Variants in FAM107B observed in about 807,000 individuals in gnomAD.
FAM107B encodes protein FAM107B.
A neutral mutation model predicts 31.5 loss-of-function variants in FAM107B; 21 were observed. That is an observed-to-expected ratio of 0.67 (90% CI 0.47 to 0.96). The LOEUF (loss-of-function observed/expected upper bound fraction) is 0.96. FAM107B is among the 40% of genes least tolerant of loss of function. The pLI is 0.00. For missense variants in FAM107B, 452 were observed against 377.1 expected, an observed-to-expected ratio of 1.20 and a Z score of -1.64; for synonymous variants, 157 against 141.5, an observed-to-expected ratio of 1.11 and a Z score of -0.78.
intron 1 of FAM107B, among the ~76,000 whole-genome samples, chr10:14,733,765 G>A (rs1429714010): frequency 1.3e-5 from 2 of 152,206 alleles, no homozygotes; most frequent in East Asian, 1.9e-4. Context: ...GAAACAGTGA[G>A]TAAATAGCCA....
At chr10:14,676,707 A>T (rs1854691093) in intron 1 of FAM107B, among the ~76,000 whole-genome samples, 2 of 152,202 alleles carry the variant, frequency 1.3e-5, no homozygotes, top group African/African-American at 2.4e-5. Flanking sequence ...TGTCAGAGAA[A>T]CTGCACTGTA....
chr10:14,570,065 G>C (rs907449127), intron 2 of FAM107B, among the ~76,000 whole-genome samples: 3 of 152,130 alleles, frequency 2.0e-5, no homozygotes, highest in African/African-American at 7.2e-5. Flanking sequence ...CAAATATTAA[G>C]CCAATATTAC....
chr10:14,589,880 T>C (rs1851960968), intron 2 of FAM107B, among the ~76,000 whole-genome samples: 1 of 152,162 alleles, frequency 6.6e-6, no homozygotes, highest in Admixed American at 6.5e-5. Flanking sequence ...ATCTCAGTCC[T>C]GGGTGATCCT....
At chr10:14,707,101 G>T (rs4748107) in intron 1 of FAM107B, among the ~76,000 whole-genome samples, 35,924 of 151,792 alleles carry the variant, frequency 0.24, 4,482 homozygotes, top group Admixed American at 0.3. Flanking sequence ...ACTCCAGCCT[G>T]GGCGACAGAG....
chr10:14,597,574 G>T (rs1338172076), intron 2 of FAM107B, among the ~76,000 whole-genome samples: 1 of 152,200 alleles, frequency 6.6e-6, no homozygotes, highest in Non-Finnish European at 1.5e-5. Flanking sequence ...TGAGGAGCAG[G>T]TGGGGACAAG....
chr10:14,695,331 G>A (rs1855240080), intron 1 of FAM107B, among the ~76,000 whole-genome samples: 1 of 151,992 alleles, frequency 6.6e-6, no homozygotes, highest in South Asian at 2.1e-4. Context: ...TTATATCTGG[G>A]CTCTCTATTC....
intron 2 of FAM107B, among the ~76,000 whole-genome samples, chr10:14,535,329 G>A (rs775611567): frequency 6.6e-6 from 1 of 152,180 alleles, no homozygotes; most frequent in Non-Finnish European, 1.5e-5. Flanking sequence ...TGAGTAAAAT[G>A]TATATGCAAA....
At chr10:14,680,697 T>A (rs1854812360) in intron 1 of FAM107B, among the ~76,000 whole-genome samples, 1 of 152,082 alleles carries the variant, frequency 6.6e-6, no homozygotes, top group Non-Finnish European at 1.5e-5. Context: ...TCCCACTAAC[T>A]TCCTCTGGCT....
intron 1 of FAM107B, among the ~76,000 whole-genome samples, chr10:14,772,059 AT>A (rs1413417317): frequency 2.6e-5 from 4 of 152,144 alleles, no homozygotes; most frequent in Admixed American, 2.6e-4. Context: ...CATGGGCACC[AT>A]AAGAATATGC....
chr10:14,686,138 C>T (rs1854980474), intron 1 of FAM107B, among the ~76,000 whole-genome samples: 2 of 152,124 alleles, frequency 1.3e-5, no homozygotes, highest in African/African-American at 4.8e-5. Context: ...CCTGTAGTCC[C>T]AGCACTTTGG....
chr10:14,581,443 T>A (rs985398687), intron 2 of FAM107B, among the ~76,000 whole-genome samples: 7 of 152,160 alleles, frequency 4.6e-5, no homozygotes, highest in African/African-American at 1.7e-4. Context: ...GATTCAAGTG[T>A]CAGAGTTCCA....
At chr10:14,537,833 C>CA (rs34298402) in intron 2 of FAM107B, among the ~76,000 whole-genome samples, 21,300 of 85,316 alleles carry the variant, frequency 0.25, 2,217 homozygotes, top group Middle Eastern at 0.34. Context: ...GACTCTGTCT[C>CA]AAAAAAAAAA....
Position 14,767,401 on chromosome 10 carries a change from C to T in FAM107B, c.411+6852G>A, listed in dbSNP as rs544087767. 2.0e-5 allele frequency among the ~76,000 whole-genome samples: 3 copies of T among 151,762 alleles called. No homozygotes were observed. The East Asian group carries it at 5.9e-4, about 30-fold the overall frequency. On this transcript the variant is annotated intron_variant, in intron 1 of 4. Coordinates refer to ENST00000181796, the MANE Select transcript of FAM107B (RefSeq NM_031453.4). ...GCCACCGCACCCGGCCCCTGATGAG[C>T]ATTAATAGAAAGATCCTCAACAAAA...
intron 1 of FAM107B, among the ~76,000 whole-genome samples, chr10:14,706,876 C>T (rs1323256651): frequency 6.6e-6 from 1 of 152,138 alleles, no homozygotes; most frequent in Non-Finnish European, 1.5e-5. Context: ...CCTGGAATCC[C>T]AGCACTTTGG....
At chr10:14,666,217 G>C (rs1467119895) in intron 2 of FAM107B, among the ~76,000 whole-genome samples, 2 of 152,188 alleles carry the variant, frequency 1.3e-5, no homozygotes, top group Non-Finnish European at 2.9e-5. Flanking sequence ...AGAACTGCAA[G>C]AGACTGGGTA....
At chr10:14,622,356 G>A (rs1265393875) in intron 2 of FAM107B, among the ~76,000 whole-genome samples, 1 of 149,156 alleles carries the variant, frequency 6.7e-6, no homozygotes, top group African/African-American at 2.5e-5. Flanking sequence ...TGCCCAGGCT[G>A]GGGTGCAGTG....
intron 1 of FAM107B, chr10:14,723,583 T>C: frequency 1.5e-6 from 1 of 669,930 alleles, no homozygotes; most frequent in Admixed American, 2.0e-5. Context: ...AAAGGCTATG[T>C]CCACATAGAA....
chr10:14,659,384 T>C (rs1854162691), intron 2 of FAM107B, among the ~76,000 whole-genome samples: 1 of 152,104 alleles, frequency 6.6e-6, no homozygotes, highest in Non-Finnish European at 1.5e-5. Context: ...GAGGTTGCAG[T>C]GAGCTGAGAT....
At chr10:14,629,040 C>A (rs1853249127) in intron 2 of FAM107B, among the ~76,000 whole-genome samples, 3 of 150,114 alleles carry the variant, frequency 2.0e-5, no homozygotes, top group Non-Finnish European at 4.4e-5. Context: ...TATTACAAGT[C>A]TCAGGAAAGT....
Sources: allele counts gnomAD v4.1 joint callset (sites outside exome capture counted in the v4.1 genomes callset), GRCh38; gene constraint gnomAD v4.1.1; transcripts MANE v1.5; gene names NCBI Gene and HGNC (gene_info 2026-07-23, HGNC 2026-07-21).